TMEM135: variants seen among roughly 807,000 people sequenced by gnomAD.
The protein encoded by TMEM135 is peroxisomal membrane protein 52.
In TMEM135, 30 loss-of-function variants were observed where a neutral mutation model predicts 60.3. The ratio of observed to expected loss-of-function variants is 0.50; its 90% CI spans 0.37 to 0.68. The LOEUF (loss-of-function observed/expected upper bound fraction) is 0.68. Ranked by LOEUF, TMEM135 falls within the 30% of genes least tolerant of loss-of-function variation. The pLI is 0.00. For synonymous variants in TMEM135, 190 were observed against 186.7 expected (o/e 1.02, Z -0.14); for missense variants, 468 against 548.8 (o/e 0.85, Z 1.47).
chr11:87,190,434 T>C (rs1399359270), intron 5 of TMEM135, among the ~76,000 whole-genome samples: 1 of 152,166 alleles, frequency 6.6e-6, no homozygotes, highest in Non-Finnish European at 1.5e-5. Flanking sequence ...TTTTTTTCTT[T>C]TTCAATGGTG....
At chr11:87,301,028 A>G (rs10501634) in intron 7 of TMEM135, among the ~76,000 whole-genome samples, 2,191 of 152,270 alleles carry the variant, frequency 0.014, 57 homozygotes, top group African/African-American at 0.047. Context: ...TAAACTCTCT[A>G]TGTACACCCG....
At chr11:87,174,147 G>C (rs1230736675) in intron 5 of TMEM135, among the ~76,000 whole-genome samples, 1 of 152,140 alleles carries the variant, frequency 6.6e-6, no homozygotes, top group East Asian at 1.9e-4. Context: ...CACTGAGATT[G>C]ATGAGACACT....
At chr11:87,113,836 C>T (rs1448434992) in intron 4 of TMEM135, among the ~76,000 whole-genome samples, 1 of 151,954 alleles carries the variant, frequency 6.6e-6, no homozygotes, top group Admixed American at 6.6e-5. Context: ...ATTTTCTCAG[C>T]TGTGAGATAT....
chr11:87,181,137 T>G (rs1236688597), intron 5 of TMEM135, among the ~76,000 whole-genome samples: 1 of 152,124 alleles, frequency 6.6e-6, no homozygotes, highest in Non-Finnish European at 1.5e-5. Context: ...ACAGAAACTT[T>G]TAGGATAGGA....
intron 1 of TMEM135, among the ~76,000 whole-genome samples, chr11:87,052,682 G>A (rs1244270774): frequency 9.4e-6 from 1 of 106,728 alleles, no homozygotes; most frequent in Non-Finnish European, 1.9e-5. Flanking sequence ...TGGAAAGGAT[G>A]TGGAGAAATA....
chr11:87,091,910 TA>T (rs1289205144), intron 4 of TMEM135, among the ~76,000 whole-genome samples: 1 of 152,148 alleles, frequency 6.6e-6, no homozygotes, highest in Non-Finnish European at 1.5e-5. Flanking sequence ...TGTTGTTTGA[TA>T]TTCTTTAAAG....
Position 87,104,433 on chromosome 11 carries a change from A to G in TMEM135, c.396+13038A>G, listed in dbSNP as rs137893291. 5.6e-4 allele frequency among the ~76,000 whole-genome samples: 86 copies of G among 152,258 alleles called. 2 individuals are homozygous for G. The highest frequency in any genetic ancestry group is 1.9e-3 in the African/African-American group (80 of 41,560). ...GCTGTTTGGGGTCTTTTGTGGTTCCATTTGAACTTAAAGATTGCTTTTTCT... is the reference window on the plus strand; with the variant it reads ...GCTGTTTGGGGTCTTTTGTGGTTCCGTTTGAACTTAAAGATTGCTTTTTCT... On this transcript the variant is annotated intron_variant, in intron 4 of 14. Transcript: ENST00000305494.
At chr11:87,280,093 A>G (rs1357170624) in intron 6 of TMEM135, among the ~76,000 whole-genome samples, 1 of 152,102 alleles carries the variant, frequency 6.6e-6, no homozygotes, top group Non-Finnish European at 1.5e-5. Context: ...TCAAAAAGTT[A>G]TTAAAATATG....
chr11:87,193,244 G>A (rs1939858802), intron 5 of TMEM135, among the ~76,000 whole-genome samples: 1 of 152,144 alleles, frequency 6.6e-6, no homozygotes, highest in Non-Finnish European at 1.5e-5. Context: ...CTTGTGTCTA[G>A]CAGATTCTAA....
chr11:87,235,871 C>G lies in TMEM135; in HGVS notation c.463-767C>G, dbSNP rs570291298. On this transcript the variant is annotated intron_variant, in intron 5 of 14. Transcript: ENST00000305494. ...TTTTGAGATCATCATTTCAGATGTT[C>G]TTGTGCCTGCTTCTAGAGGAATTAC... Among the ~76,000 whole-genome samples, 88 of 151,940 alleles carry G rather than the reference C, an allele frequency of 5.8e-4. 2 individuals are homozygous for G. The highest frequency in any genetic ancestry group is 2.1e-3 in the African/African-American group (86 of 41,492).
At chr11:87,293,498 C>T (rs1302002440) in intron 6 of TMEM135, among the ~76,000 whole-genome samples, 2 of 152,002 alleles carry the variant, frequency 1.3e-5, no homozygotes, top group Admixed American at 1.3e-4. Context: ...AGTCCTCCAA[C>T]TTCCCTCCCC....
intron 1 of TMEM135, among the ~76,000 whole-genome samples, chr11:87,044,447 A>C (rs1949777128): frequency 6.6e-6 from 1 of 152,124 alleles, no homozygotes; most frequent in Non-Finnish European, 1.5e-5. Context: ...GTCATTAAAG[A>C]ATGTAAACTA....
chr11:87,115,835 T>A (rs1288703963), intron 4 of TMEM135, among the ~76,000 whole-genome samples: 5 of 152,114 alleles, frequency 3.3e-5, no homozygotes, highest in African/African-American at 1.2e-4. Context: ...ATTGGGCTGA[T>A]CATGTTTGAA....
chr11:87,149,265 T>C (rs539300669), intron 4 of TMEM135, among the ~76,000 whole-genome samples: 1 of 152,334 alleles, frequency 6.6e-6, no homozygotes, highest in Admixed American at 6.5e-5. Context: ...ACAACAAAGA[T>C]CTGTGTTTTT....
chr11:87,156,993 A>G (rs954602247), intron 4 of TMEM135, among the ~76,000 whole-genome samples: 1 of 151,970 alleles, frequency 6.6e-6, no homozygotes, highest in Non-Finnish European at 1.5e-5. Context: ...CTGGGGTACA[A>G]TTTATAACTT....
intron 6 of TMEM135, chr11:87,259,073 G>A (rs1941590112): frequency 4.1e-6 from 5 of 1,231,970 alleles, no homozygotes; most frequent in Non-Finnish European, 6.0e-6. Context: ...AAGAGGGAGA[G>A]AAAGAAGAGG....
At chr11:87,247,758 C>T (rs1300678108) in intron 6 of TMEM135, among the ~76,000 whole-genome samples, 1 of 152,144 alleles carries the variant, frequency 6.6e-6, no homozygotes, top group Non-Finnish European at 1.5e-5. Context: ...TGCCGTCTGT[C>T]ACCCCTTTCT....
chr11:87,085,717 G>T (rs1422858264), intron 3 of TMEM135, among the ~76,000 whole-genome samples: 2 of 152,018 alleles, frequency 1.3e-5, no homozygotes, highest in African/African-American at 2.4e-5. Flanking sequence ...AGATTGAACC[G>T]CTGCACTCCA....
intron 6 of TMEM135, among the ~76,000 whole-genome samples, chr11:87,260,104 T>C (rs1941619593): frequency 1.3e-5 from 2 of 152,230 alleles, no homozygotes; most frequent in Non-Finnish European, 2.9e-5. Context: ...GCAATTTTTA[T>C]GGTTTTGAGC....
Sources: gnomAD v4.1 joint callset for allele counts (sites outside exome capture counted in the v4.1 genomes callset) on GRCh38, gnomAD v4.1.1 for gene constraint, MANE v1.5 for transcripts, NCBI Gene and HGNC (gene_info 2026-07-23, HGNC 2026-07-21) for gene names.